The following POLQ variants were observed in gnomAD, a reference collection of about 807,000 sequenced individuals.
POLQ encodes the protein epididymis secretory sperm binding protein.
A neutral mutation model predicts 259.2 loss-of-function variants in POLQ; 233 were observed. That is an observed-to-expected ratio of 0.90 (90% CI 0.81 to 1.00). The LOEUF is 1.00. POLQ is among the 50% of genes least tolerant of loss of function. POLQ has a pLI of 0.00. For missense variants in POLQ, 2,871 were observed against 3,051.6 expected (o/e 0.94, Z 1.39); for synonymous variants, 1,025 against 1,048.8 (o/e 0.98, Z 0.44).
Position 121,545,946 on chromosome 3 carries a change from C to CCTGG in POLQ, c.-73_-70dup. On this transcript the variant is annotated 5_prime_UTR_variant, in exon 1 of 30. It removes the in-frame stop codon of an upstream open reading frame in the 5' UTR. Transcript: ENST00000264233. ...GTCCTCCCTCTCGGGAGAACCCTGG[C>CCTGG]CTGGCAACAGCTGCGGACATCTTCC... is the stretch of plus-strand genomic sequence containing the variant. 1 of 1,555,336 alleles carries CCTGG rather than the reference C, an allele frequency of 6.4e-7. No homozygotes were observed. Among genetic ancestry groups the CCTGG allele is most frequent in the Middle Eastern group, 1.7e-4 (1 of 6,006 alleles).
At chr3:121,530,687 C>G (rs908926521) in intron 6 of POLQ, among the ~76,000 whole-genome samples, 10 of 152,140 alleles carry the variant, frequency 6.6e-5, no homozygotes, top group African/African-American at 2.4e-4. Flanking sequence ...ACTGTGGTGG[C>G]CCTGCAAGTT....
chr3:121,464,673 G>A lies in POLQ; in HGVS notation c.6967+2846C>T, dbSNP rs144714712. Among the ~76,000 whole-genome samples the A allele has an allele frequency of 9.2e-3, 1,399 of 152,110 alleles. 9 individuals carry two copies. The highest frequency in any genetic ancestry group is 0.014 in the Non-Finnish European group (960 of 67,990). ...GCCACAAGTGGAAAGTTCCACAACC[G>A]ACCTCTTGTAACAGGTCAAAGTTAT... On this transcript the variant is annotated intron_variant, in intron 24 of 29. Transcript: ENST00000264233.
chr3:121,484,480 C>G (rs1370163240), intron 17 of POLQ, among the ~76,000 whole-genome samples: 1 of 152,174 alleles, frequency 6.6e-6, no homozygotes, highest in Admixed American at 6.5e-5. Flanking sequence ...TTCACTGCCC[C>G]CTCAGAGGAA....
chr3:121,526,388 G>C (rs950497127), intron 7 of POLQ, among the ~76,000 whole-genome samples: 1 of 152,148 alleles, frequency 6.6e-6, no homozygotes, highest in African/African-American at 2.4e-5. Flanking sequence ...GACATGAGTA[G>C]TCCTGATCAT....
intron 13 of POLQ, among the ~76,000 whole-genome samples, chr3:121,497,400 T>C (rs866595122): frequency 6.6e-6 from 1 of 152,272 alleles, no homozygotes; most frequent in South Asian, 2.1e-4. Context: ...TTATAAATAA[T>C]ATATTAGAGA....
intron 27 of POLQ, among the ~76,000 whole-genome samples, chr3:121,439,467 A>G (rs1173122183): frequency 2.0e-5 from 3 of 152,164 alleles, no homozygotes; most frequent in Non-Finnish European, 2.9e-5. Context: ...TCCTGGGCGC[A>G]AGCAATCCTC....
At chr3:121,532,308 C>G (rs1030676394) in intron 6 of POLQ, among the ~76,000 whole-genome samples, 3 of 151,980 alleles carry the variant, frequency 2.0e-5, no homozygotes, top group Non-Finnish European at 4.4e-5. Flanking sequence ...ATATATTATA[C>G]CTACCATTTA....
At position 121,432,317 on chromosome 3, in the gene POLQ, T is replaced by G. The variant is rs755039731; in HGVS notation, c.7760A>C (p.Asp2587Ala). 1.2e-6 allele frequency: 2 copies of G among 1,601,802 alleles called. No individual in the cohort carries two copies. The highest frequency in any genetic ancestry group is 1.7e-6 in the Non-Finnish European group (2 of 1,174,908). ...KIGASWGELK[D>A]FDV ...TCAACAGCACAGTTACACATCAAAG[T>G]CCTTTAGCTCTCCCCAGCTGGCGCC... Residue 2587 changes from aspartate to alanine, a missense_variant, in exon 30 of 30, where the codon GAC becomes GCC. Physicochemically the swap from Asp to Ala is moderately radical, Grantham distance 126 (BLOSUM62 -2). This residue lies in a region of POLQ where 2,080 missense variants were observed against 2,126.0 expected (regional missense o/e 0.98). Coordinates refer to ENST00000264233, the MANE Select transcript of POLQ (RefSeq NM_199420.4).
chr3:121,449,550 C>T (rs1414410207), intron 25 of POLQ, 124 bp from the exon 26 acceptor site: 13 of 679,598 alleles, frequency 1.9e-5, no homozygotes, highest in Non-Finnish European at 3.0e-5. Flanking sequence ...GATTAGATTG[C>T]TTTTGGTGGG....
chr3:121,490,021 A>G lies in POLQ; in HGVS notation c.2910T>C (p.Asn970=). 1 of 1,575,044 alleles carries G rather than the reference A, an allele frequency of 6.3e-7. No homozygotes were observed. Among genetic ancestry groups the G allele is most frequent in the East Asian group, 2.2e-5 (1 of 44,738 alleles). ...NKSREHTSSF[N]CNFQNGNQEH... The stretch of plus-strand genomic sequence containing the variant: ...CTTGATTCCCATTCTGGAAATTACA[A>G]TTAAAGGAACTTGTATGCTCTCTAC... The change falls in exon 16 of 30, where the codon AAT becomes AAC. Residue 970 remains asparagine (N), a synonymous_variant. Coordinates refer to ENST00000264233, the MANE Select transcript of POLQ (RefSeq NM_199420.4).
intron 12 of POLQ, among the ~76,000 whole-genome samples, chr3:121,508,046 G>C (rs992170684): frequency 6.9e-6 from 1 of 143,946 alleles, no homozygotes; most frequent in Non-Finnish European, 1.5e-5. Flanking sequence ...GTTTGGTAGC[G>C]ACAGATTCTT....
chr3:121,463,510 A>G (rs1327954186), intron 24 of POLQ, among the ~76,000 whole-genome samples: 1 of 152,198 alleles, frequency 6.6e-6, no homozygotes, highest in Non-Finnish European at 1.5e-5. Flanking sequence ...AGATCAATCA[A>G]ATTGCAAGTG....
At chr3:121,518,073 T>C (rs148780373) in intron 9 of POLQ, among the ~76,000 whole-genome samples, 47 of 152,312 alleles carry the variant, frequency 3.1e-4, no homozygotes, top group Admixed American at 5.9e-4. Context: ...GATGATTAGG[T>C]TCCTGCAAGC....
chr3:121,541,977 A>C (rs74714617), intron 2 of POLQ, among the ~76,000 whole-genome samples: 2 of 145,410 alleles, frequency 1.4e-5, no homozygotes, highest in African/African-American at 5.0e-5. Context: ...TAAAAATAAC[A>C]AAAAAAAAAA....
chr3:121,484,296 A>ACT (rs1340538720), intron 17 of POLQ, among the ~76,000 whole-genome samples: 1 of 152,078 alleles, frequency 6.6e-6, no homozygotes, highest in African/African-American at 2.4e-5. Context: ...CATCCTTTCC[A>ACT]CTCTAAAGAC....
At chr3:121,519,830 C>G in intron 9 of POLQ, 41 bp downstream of exon 9, 1 of 1,095,990 alleles carries the variant, frequency 9.1e-7, no homozygotes, top group Non-Finnish European at 1.4e-6. Context: ...TAGACACTGT[C>G]CTTCAGCAAT....
chr3:121,515,314 C>T (rs538939531), intron 9 of POLQ, among the ~76,000 whole-genome samples: 2 of 152,328 alleles, frequency 1.3e-5, no homozygotes, highest in East Asian at 3.9e-4. Flanking sequence ...AGTCATGAGC[C>T]ACCATGCTCA....
intron 6 of POLQ, among the ~76,000 whole-genome samples, chr3:121,530,580 C>A (rs970377552): frequency 2.0e-5 from 3 of 152,150 alleles, no homozygotes; most frequent in Non-Finnish European, 4.4e-5. Context: ...GAAAAATTGT[C>A]CTGAGAAAAC....
At chr3:121,490,443 T>C in intron 15 of POLQ, 35 bp from the exon 16 acceptor site, 1 of 1,513,210 alleles carries the variant, frequency 6.6e-7, no homozygotes, top group Non-Finnish European at 9.2e-7. Context: ...AGAAATGAAT[T>C]CATTCATTCG....
Sources: gnomAD v4.1 joint callset for allele counts (sites outside exome capture counted in the v4.1 genomes callset) on GRCh38, gnomAD v4.1.1 for gene constraint, gnomAD v4.1.1 regional missense constraint, MANE v1.5 for transcripts, NCBI Gene and HGNC (gene_info 2026-07-23, HGNC 2026-07-21) for gene names.